CENPI: variants seen among roughly 807,000 people sequenced by gnomAD.
CENPI encodes FSH primary response 1.
Under a neutral mutation model 60.4 loss-of-function variants are expected in CENPI, and 4 were observed. The observed-to-expected ratio is 0.07, with a 90% CI of 0.03 to 0.15. The LOEUF (loss-of-function observed/expected upper bound fraction) is 0.15. Among genes scored for constraint, CENPI ranks in the 10% least tolerant of loss-of-function variants. CENPI has a pLI of 1.00. For synonymous variants in CENPI, 157 were observed against 189.4 expected (o/e 0.83, Z 1.40); for missense variants, 444 against 534.5 (o/e 0.83, Z 1.67).
chrX:101,178,050 TGAAA>T, the CENPI span, among the ~76,000 whole-genome samples: 2 of 111,647 alleles, frequency 1.8e-5, no homozygotes, highest in African/African-American at 6.5e-5. Flanking sequence ...TCTCAGGGCC[TGAAA>T]GAGTCTAGGG....
At chrX:101,173,011 A>ATTTTTTTTT in the CENPI span, among the ~76,000 whole-genome samples, 3 of 68,693 alleles carry the variant, frequency 4.4e-5, no homozygotes, top group African/African-American at 6.1e-5. Context: ...AGTTGTAGGA[A>ATTTTTTTTT]TTTTTTTTTT....
Position 101,128,753 on chromosome X carries a change from T to C in CENPI, c.1112T>C (p.Leu371Pro), listed in dbSNP as rs1328294988. The change falls in exon 12 of 22, where the codon CTG becomes CCG. Residue 371 changes from leucine (L) to proline (P), a missense_variant. Coordinates refer to ENST00000682095, the MANE Select transcript of CENPI (RefSeq NM_001386188.2). ...SQMGSVLNNS[L>P]LLHYINCVRD... ...ATGGGCTCAGTGCTAAACAACTCTCTGCTGCTTCACTACATTAACTGTGTC... is the reference window on the plus strand; with the variant it reads ...ATGGGCTCAGTGCTAAACAACTCTCCGCTGCTTCACTACATTAACTGTGTC... 8.3e-7 allele frequency: 1 copy of C among 1,207,927 alleles called. No homozygotes were observed. Among genetic ancestry groups the C allele is most frequent in the Non-Finnish European group, 1.1e-6 (1 of 893,241 alleles).
At chrX:101,156,297 A>G (rs936654899) in intron 20 of CENPI, among the ~76,000 whole-genome samples, 3 of 111,513 alleles carry the variant, frequency 2.7e-5, no homozygotes, top group Non-Finnish European at 3.8e-5. Flanking sequence ...GGTGTGAGCC[A>G]CTGCTCCCGC....
At chrX:101,152,690 C>T (rs1437913222) in intron 20 of CENPI, among the ~76,000 whole-genome samples, 1 of 111,356 alleles carries the variant, frequency 9.0e-6, no homozygotes, top group Non-Finnish European at 1.9e-5. Context: ...GCATGAGCCA[C>T]AGTGCCCGGA....
intron 15 of CENPI, among the ~76,000 whole-genome samples, chrX:101,134,916 A>T (rs1426258070): frequency 9.1e-6 from 1 of 110,314 alleles, no homozygotes; most frequent in African/African-American, 3.3e-5. Context: ...CAGGAGGCTG[A>T]GGCAGGAGAA....
intron 18 of CENPI, 96 bp from the exon 19 acceptor site, chrX:101,147,667 C>A: frequency 1.5e-6 from 1 of 674,836 alleles, no homozygotes; most frequent in Non-Finnish European, 2.3e-6. Context: ...CATATATTTA[C>A]ATTTAAAATG....
chrX:101,178,815 T>C, the CENPI span, among the ~76,000 whole-genome samples: 2 of 112,155 alleles, frequency 1.8e-5, no homozygotes, highest in Non-Finnish European at 3.8e-5. Flanking sequence ...AATTTCAGAA[T>C]TTCTTTGCCA....
chrX:101,099,346 T>C (rs1174933676), intron 2 of CENPI, among the ~76,000 whole-genome samples: 3 of 108,689 alleles, frequency 2.8e-5, no homozygotes, highest in East Asian at 5.8e-4. Flanking sequence ...GAGAATTGCT[T>C]GAACCCGGGA....
downstream of CENPI, among the ~76,000 whole-genome samples, chrX:101,166,130 C>G (rs749905438): frequency 1.2e-3 from 129 of 111,515 alleles, no homozygotes; most frequent in African/African-American, 4.0e-3. Context: ...ACCTGGATAC[C>G]TTTTTTTGTG....
At chrX:101,105,571 C>A (rs1338362632) in intron 4 of CENPI, among the ~76,000 whole-genome samples, 2 of 111,505 alleles carry the variant, frequency 1.8e-5, no homozygotes, top group East Asian at 5.6e-4. Flanking sequence ...CAGATGTTTT[C>A]TATTTTAGAA....
intron 18 of CENPI, among the ~76,000 whole-genome samples, chrX:101,146,509 T>C (rs769261020): frequency 7.2e-5 from 8 of 111,687 alleles, no homozygotes; most frequent in African/African-American, 1.9e-4. Flanking sequence ...AAGGACTTGT[T>C]GTGCAATGGT....
At chrX:101,149,705 C>T (rs2089991325) in intron 20 of CENPI, among the ~76,000 whole-genome samples, 1 of 110,255 alleles carries the variant, frequency 9.1e-6, no homozygotes, top group Non-Finnish European at 1.9e-5. Flanking sequence ...CAGGGTTTTG[C>T]CATGTTGGCC....
At chrX:101,113,762 G>C (rs1383850639) in intron 6 of CENPI, among the ~76,000 whole-genome samples, 1 of 111,842 alleles carries the variant, frequency 8.9e-6, no homozygotes, top group African/African-American at 3.2e-5. Flanking sequence ...AAAATCTTTT[G>C]ATGGCAAACT....
chrX:101,127,664 A>C lies in CENPI; in HGVS notation c.1073A>C (p.Glu358Ala). 1.7e-6 allele frequency: 2 copies of C among 1,153,342 alleles called. No homozygotes were observed. The highest frequency in any genetic ancestry group is 2.3e-6 in the Non-Finnish European group (2 of 862,524). The change falls in exon 11 of 22, where the codon GAG becomes GCG. Residue 358 changes from glutamate to alanine, a missense_variant and splice_region_variant. By Grantham distance (107) the Glu-to-Ala change is moderately radical (BLOSUM62 -1). Transcript: ENST00000682095. ...CTTTTACAGAACATCCATTGCTTAG[A>C]GGTATGTGACTGGACCATGTGCTTC... Reference protein sequence around the residue: ...PQLLQNIHCLELPSQMGSVLN... With the variant: ...PQLLQNIHCLALPSQMGSVLN...
intron 4 of CENPI, 71 bp downstream of exon 4, chrX:101,102,482 ATCT>A: frequency 2.9e-5 from 12 of 416,720 alleles, no homozygotes; most frequent in Non-Finnish European, 4.4e-5. Flanking sequence ...TTAAAAATAA[ATCT>A]TATATATATA....
rs1386029514 is a variant in CENPI, at chrX:101,102,257, A to G, written c.227-17A>G. 8.8e-7 allele frequency: 1 copy of G among 1,133,970 alleles called. No individual in the cohort carries two copies. The highest frequency in any genetic ancestry group is 1.2e-6 in the Non-Finnish European group (1 of 843,502). 93.5% of individuals were successfully genotyped at this position (1,133,970 alleles called of 1,213,427 possible). On this transcript the variant is annotated splice_polypyrimidine_tract_variant and intron_variant, in intron 3 of 21. Transcript: ENST00000682095. ...AATTTTAAAGGTCTCACTATTTAAT[A>G]TTGTTTCTTTTTTCAGGTCCCATTA...
chrX:101,137,011 C>T (rs1403653639), intron 15 of CENPI, among the ~76,000 whole-genome samples: 1 of 110,900 alleles, frequency 9.0e-6, no homozygotes, highest in African/African-American at 3.3e-5. Context: ...CTCCTGGTCT[C>T]AAGGGATTCT....
chrX:101,112,530 G>A (rs977317791), intron 6 of CENPI, among the ~76,000 whole-genome samples: 1 of 112,277 alleles, frequency 8.9e-6, no homozygotes, highest in African/African-American at 3.2e-5. Context: ...TTTTGGTGTA[G>A]TATCAAAAAC....
chrX:101,112,050 C>T (rs66685125), intron 6 of CENPI, among the ~76,000 whole-genome samples: 27,820 of 110,265 alleles, frequency 0.25, 2,675 homozygotes, highest in East Asian at 0.28. Flanking sequence ...GAATGACTGA[C>T]GTACGAACCG....
Sources: allele counts gnomAD v4.1 joint callset (sites outside exome capture counted in the v4.1 genomes callset), GRCh38; gene constraint gnomAD v4.1.1; transcripts MANE v1.5; gene names NCBI Gene and HGNC (gene_info 2026-07-23, HGNC 2026-07-21).